SPATA16: variants seen among roughly 807,000 people sequenced by gnomAD.
SPATA16 encodes spermatogenesis-associated protein 16.
Under a neutral mutation model 63.3 loss-of-function variants are expected in SPATA16, and 36 were observed. The observed-to-expected ratio is 0.57, with a 90% confidence interval of 0.44 to 0.75. The LOEUF (loss-of-function observed/expected upper bound fraction) is 0.75. SPATA16 is among the 30% of genes least tolerant of loss of function. SPATA16 has a pLI of 0.00. For synonymous variants in SPATA16, 203 were observed against 216.7 expected (o/e 0.94, Z 0.56); for missense variants, 646 against 679.3 (o/e 0.95, Z 0.54).
At chr3:172,979,370 A>G (rs2108253006) in intron 4 of SPATA16, among the ~76,000 whole-genome samples, 1 of 152,380 alleles carries the variant, frequency 6.6e-6, no homozygotes, top group Admixed American at 6.5e-5. Context: ...AGCAGAGTCC[A>G]GTAACTAAAC....
At position 173,074,448 on chromosome 3, in the gene SPATA16, G is replaced by A. The variant is rs1052177528; in HGVS notation, c.613-25354C>T. 2.6e-5 allele frequency among the ~76,000 whole-genome samples: 4 copies of A among 152,152 alleles called. No individual in the cohort carries two copies. The South Asian group carries it at 8.3e-4, about 32-fold the overall frequency. The stretch of plus-strand genomic sequence containing the variant: ...CGATTTTCTCCATACTGTTCTCGTG[G>A]TAGTGAATAAGTCTCATGAGATCTG... On this transcript the variant is annotated intron_variant, in intron 2 of 10. Transcript: ENST00000351008.
At chr3:173,069,903 G>A (rs1298573793) in intron 2 of SPATA16, among the ~76,000 whole-genome samples, 2 of 151,776 alleles carry the variant, frequency 1.3e-5, no homozygotes, top group Non-Finnish European at 2.9e-5. Context: ...TACTTCAATA[G>A]ATGCTAGTAA....
intron 6 of SPATA16, among the ~76,000 whole-genome samples, chr3:172,940,964 C>CAG (rs1048303924): frequency 6.6e-6 from 1 of 151,936 alleles, no homozygotes; most frequent in African/African-American, 2.4e-5. Context: ...GCCTGGGTGA[C>CAG]AGAGAGAGAC....
At chr3:172,989,540 C>T (rs1734529893) in intron 4 of SPATA16, among the ~76,000 whole-genome samples, 1 of 152,178 alleles carries the variant, frequency 6.6e-6, no homozygotes, top group Non-Finnish European at 1.5e-5. Context: ...CTGTTATTTG[C>T]TGGCTGTGTG....
chr3:172,968,039 A>C (rs1733958962), intron 5 of SPATA16, among the ~76,000 whole-genome samples: 1 of 152,156 alleles, frequency 6.6e-6, no homozygotes. Context: ...TGGTACCAAA[A>C]AGTTGGGGAC....
chr3:173,090,708 C>T (rs901134872), intron 2 of SPATA16, among the ~76,000 whole-genome samples: 2 of 152,176 alleles, frequency 1.3e-5, no homozygotes, highest in African/African-American at 4.8e-5. Flanking sequence ...TGCAGTTTGT[C>T]ATGCTCCTTG....
At chr3:173,053,844 T>G (rs1736154662) in intron 2 of SPATA16, among the ~76,000 whole-genome samples, 1 of 152,084 alleles carries the variant, frequency 6.6e-6, no homozygotes, top group Non-Finnish European at 1.5e-5. Context: ...ATTGGTAATT[T>G]TTAAGGTTTT....
intron 6 of SPATA16, among the ~76,000 whole-genome samples, chr3:172,949,308 GATC>G (rs1733370995): frequency 6.6e-6 from 1 of 152,132 alleles, no homozygotes; most frequent in Non-Finnish European, 1.5e-5. Context: ...TAGACCATAA[GATC>G]ATCAAGAAAA....
intron 1 of SPATA16, among the ~76,000 whole-genome samples, chr3:173,133,254 C>T (rs1000654280): frequency 6.6e-6 from 1 of 152,158 alleles, no homozygotes; most frequent in Non-Finnish European, 1.5e-5. Context: ...AAGTTAGGCT[C>T]TGCCAATAGA....
At chr3:172,969,596 C>T (rs1361136883) in intron 5 of SPATA16, among the ~76,000 whole-genome samples, 1 of 152,138 alleles carries the variant, frequency 6.6e-6, no homozygotes, top group Non-Finnish European at 1.5e-5. Flanking sequence ...GGTTACTAGA[C>T]TGGTGTTTAA....
At chr3:173,012,088 A>G (rs1269648162) in intron 4 of SPATA16, among the ~76,000 whole-genome samples, 1 of 152,230 alleles carries the variant, frequency 6.6e-6, no homozygotes, top group Non-Finnish European at 1.5e-5. Context: ...GCTTCTTAAA[A>G]TTCCGGGATT....
intron 10 of SPATA16, among the ~76,000 whole-genome samples, chr3:172,901,032 T>C (rs980946557): frequency 5.9e-5 from 9 of 151,876 alleles, no homozygotes; most frequent in Non-Finnish European, 1.2e-4. Flanking sequence ...CAATAAATTT[T>C]TTGTTATAGT....
At chr3:173,037,926 G>A (rs1018080493) in intron 3 of SPATA16, among the ~76,000 whole-genome samples, 1 of 152,106 alleles carries the variant, frequency 6.6e-6, no homozygotes, top group Non-Finnish European at 1.5e-5. Flanking sequence ...TATGTTGTCA[G>A]TAATGTAGAA....
chr3:173,019,707 C>T lies in SPATA16; in HGVS notation c.759-132G>A, dbSNP rs1255522773. On this transcript the variant is annotated intron_variant, in intron 3 of 10. Transcript: ENST00000351008. ...TTTTAAAGATACTAGTGAAAGGAGCCCTTCCCCGCCCCCCGTAATTGGCAA... is the reference window on the plus strand; with the variant it reads ...TTTTAAAGATACTAGTGAAAGGAGCTCTTCCCCGCCCCCCGTAATTGGCAA... The T allele has an allele frequency of 2.1e-5, 16 of 768,304 alleles. No homozygotes were observed. In the Admixed American group the frequency reaches 3.5e-4, roughly 17 times the overall value. The allele number at this position is 768,304 out of a possible 1,614,324, so 47.6% of individuals were successfully genotyped here.
intron 6 of SPATA16, among the ~76,000 whole-genome samples, chr3:172,955,586 A>T (rs1206068231): frequency 6.6e-6 from 1 of 151,654 alleles, no homozygotes; most frequent in Non-Finnish European, 1.5e-5. Flanking sequence ...TTCCTTAGGG[A>T]TTTACTATTC....
intron 2 of SPATA16, among the ~76,000 whole-genome samples, chr3:173,072,489 A>T (rs1366948528): frequency 6.6e-6 from 1 of 152,164 alleles, no homozygotes; most frequent in East Asian, 1.9e-4. Context: ...TAATTGAATC[A>T]TGGGGGCAAT....
At chr3:172,947,766 C>T (rs916311099) in intron 6 of SPATA16, among the ~76,000 whole-genome samples, 24 of 151,820 alleles carry the variant, frequency 1.6e-4, no homozygotes, top group African/African-American at 5.3e-4. Context: ...CATCACTCAC[C>T]GGGGCCTGTC....
chr3:173,004,564 G>T lies in SPATA16; in HGVS notation c.848+14922C>A, dbSNP rs1339638832. Among the ~76,000 whole-genome samples, 3 of 152,026 alleles carry T rather than the reference G, an allele frequency of 2.0e-5. No homozygotes were observed. The East Asian group carries it at 5.8e-4, about 29-fold the overall frequency. ...GTGGGCTTTCCAAAAACATAGACTTGGAATAAGTTGGGGTTTAATAGTCTT... is the reference window on the plus strand; with the variant it reads ...GTGGGCTTTCCAAAAACATAGACTTTGAATAAGTTGGGGTTTAATAGTCTT... On this transcript the variant is annotated intron_variant, in intron 4 of 10. Coordinates refer to ENST00000351008, the MANE Select transcript of SPATA16 (RefSeq NM_031955.6).
At position 173,058,686 on chromosome 3, in the gene SPATA16, A is replaced by G. The variant is rs1457588041; in HGVS notation, c.613-9592T>C. On this transcript the variant is annotated intron_variant, in intron 2 of 10. Transcript: ENST00000351008. ...GTGTTTATCGGCCATGGGTATGGGTATACTGTTTGCTCATAAATTTTATTC... is the reference window on the plus strand; with the variant it reads ...GTGTTTATCGGCCATGGGTATGGGTGTACTGTTTGCTCATAAATTTTATTC... Among the ~76,000 whole-genome samples, 5 of 152,090 alleles carry G rather than the reference A, an allele frequency of 3.3e-5. No individual in the cohort carries two copies. The East Asian group carries it at 7.7e-4, about 23-fold the overall frequency.
Sources: gnomAD v4.1 joint callset for allele counts (sites outside exome capture counted in the v4.1 genomes callset) on GRCh38, gnomAD v4.1.1 for gene constraint, MANE v1.5 for transcripts, NCBI Gene and HGNC (gene_info 2026-07-23, HGNC 2026-07-21) for gene names.